The following C22orf23 variants were observed in gnomAD, a reference collection of about 807,000 sequenced individuals.
C22orf23 encodes the protein UPF0193 protein EVG1.
Under a neutral mutation model 29.7 loss-of-function variants are expected in C22orf23, and 30 were observed. The observed-to-expected ratio is 1.01, with a 90% confidence interval of 0.76 to 1.37. The LOEUF (loss-of-function observed/expected upper bound fraction) is 1.37, where lower values mean the gene tolerates loss of function less well. Ranked by LOEUF, C22orf23 falls within the 40% of genes most tolerant of loss-of-function variation. The probability of loss-of-function intolerance (pLI) is 0.00; values close to 1 mark genes in which losing one functional copy is unlikely to be tolerated. For synonymous variants in C22orf23, 90 were observed against 96.1 expected, an observed-to-expected ratio of 0.94 and a Z score of 0.37; for missense variants, 237 against 273.1, an observed-to-expected ratio of 0.87 and a Z score of 0.93.
intron 4 of C22orf23, 81 bp from the exon 5 acceptor site, chr22:37,945,254 T>G: frequency 2.2e-5 from 32 of 1,481,498 alleles, no homozygotes; most frequent in East Asian, 4.7e-5. Context: ...GTGCACGTGC[T>G]TGCTGCAGGG....
At chr22:37,945,494 C>CTTTTT (rs369277812) in intron 4 of C22orf23, among the ~76,000 whole-genome samples, 1 of 129,104 alleles carries the variant, frequency 7.7e-6, no homozygotes, top group African/African-American at 2.8e-5. Flanking sequence ...TTTTTTTCTT[C>CTTTTT]TTTTTTTTTT....
In C22orf23 at chr22:37,947,528, T is replaced by G. The variant is rs1400204822; in HGVS notation, c.167-65A>C. 36 of 843,208 alleles carry G rather than the reference T, an allele frequency of 4.3e-5. 1 individual carries two copies. In the Middle Eastern group the frequency reaches 1.0e-3, roughly 24 times the overall value. 52.2% of individuals were successfully genotyped at this position (843,208 alleles called of 1,614,324 possible). ...TTTTTTTTTTTTTTTTTTTTTTTTT[T>G]GAGTCTGAGTCTTGCTCTGTCACTC... On this transcript the variant is annotated intron_variant, in intron 3 of 6. Coordinates refer to ENST00000403305, the MANE Select transcript of C22orf23 (RefSeq NM_032561.5).
chr22:37,952,207 G>T (rs1028405012), intron 2 of C22orf23, among the ~76,000 whole-genome samples: 2 of 152,134 alleles, frequency 1.3e-5, no homozygotes, highest in African/African-American at 4.8e-5. Flanking sequence ...AAGTTGTTGA[G>T]TAAAAGAACA....
chr22:37,949,606 G>A lies in C22orf23; in HGVS notation c.166+1854C>T, dbSNP rs144189941. On this transcript the variant is annotated intron_variant, in intron 3 of 6. Coordinates refer to ENST00000403305, the MANE Select transcript of C22orf23 (RefSeq NM_032561.5). Reference sequence around the variant, plus strand: ...CCCAAGTAGCTGGGACTACAGGCCCGGGTCACCACACCTGGCTAATTTTTG... The same window carrying A: ...CCCAAGTAGCTGGGACTACAGGCCCAGGTCACCACACCTGGCTAATTTTTG... 2.8e-3 allele frequency among the ~76,000 whole-genome samples: 430 copies of A among 151,076 alleles called. 2 individuals are homozygous for A. Among genetic ancestry groups the A allele is most frequent in the African/African-American group, 9.8e-3 (405 of 41,152 alleles).
intron 3 of C22orf23, 95 bp downstream of exon 3, chr22:37,951,365 T>C: frequency 8.7e-7 from 1 of 1,150,376 alleles, no homozygotes; most frequent in Admixed American, 2.1e-5. Context: ...CTTTGTTTTT[T>C]TTATATGAGG....
Position 37,953,201 on chromosome 22 carries a change from C to T in C22orf23, c.-9-43G>A, listed in dbSNP as rs369372941. On this transcript the variant is annotated intron_variant, in intron 1 of 6. Coordinates refer to ENST00000403305, the MANE Select transcript of C22orf23 (RefSeq NM_032561.5). Reference sequence around the variant, plus strand: ...CAATGACACACCCCCTGTCTCCTGTCCCTAATCTCTGTTCCCCGACGCCCA... The same window carrying T: ...CAATGACACACCCCCTGTCTCCTGTTCCTAATCTCTGTTCCCCGACGCCCA... 24 of 1,379,084 alleles carry T rather than the reference C, an allele frequency of 1.7e-5. No homozygotes were observed. In the East Asian group the frequency reaches 3.2e-4, roughly 19 times the overall value. 85.4% of individuals were successfully genotyped at this position (1,379,084 alleles called of 1,614,324 possible). A position where few individuals can be genotyped will look rare whatever the true frequency, so the allele number is the denominator to read the frequency against.
chr22:37,944,368 C>T lies in C22orf23; in HGVS notation c.582+49G>A, dbSNP rs374961136. The T allele has an allele frequency of 6.2e-6, 10 of 1,613,362 alleles. No homozygotes were observed. The African/African-American group carries it at 1.2e-4, about 19-fold the overall frequency. ...AGCAGACCCTGTATTTCCATTCGCACTTGGCGCTGGGCCCTTCCCCTCCCC... is the reference window on the plus strand; with the variant it reads ...AGCAGACCCTGTATTTCCATTCGCATTTGGCGCTGGGCCCTTCCCCTCCCC... On this transcript the variant is annotated intron_variant, in intron 6 of 6. Coordinates refer to ENST00000403305, the MANE Select transcript of C22orf23 (RefSeq NM_032561.5).
At chr22:37,952,076 A>G (rs1229125609) in intron 2 of C22orf23, among the ~76,000 whole-genome samples, 2 of 151,914 alleles carry the variant, frequency 1.3e-5, no homozygotes, top group Non-Finnish European at 2.9e-5. Flanking sequence ...TGGCCTCCCA[A>G]AGTGCTGGGA....
intron 3 of C22orf23, chr22:37,951,242 T>TCTTGTGG (rs1176485881): frequency 1.0e-5 from 5 of 477,984 alleles, no homozygotes; most frequent in Non-Finnish European, 1.9e-5. Context: ...GGAGATGAGG[T>TCTTGTGG]CTTGTGGCTT....
intron 2 of C22orf23, chr22:37,952,803 C>T (rs2145718556): frequency 9.7e-6 from 4 of 411,318 alleles, no homozygotes; most frequent in Admixed American, 4.3e-5. Flanking sequence ...CGAGCCTCAC[C>T]GCCTCCTTTC....
At position 37,944,639 on chromosome 22, in the gene C22orf23, G is replaced by A. The variant is rs528399922; in HGVS notation, c.482-122C>T. On this transcript the variant is annotated intron_variant, in intron 5 of 6. Transcript: ENST00000403305. ...TTCTAGGCCGGGCGCGGTGGCTCAC[G>A]CCTATAATCCCAGCACTTTGGGAGG... 8.8e-4 allele frequency: 723 copies of A among 823,026 alleles called. 1 individual carries two copies. The highest frequency in any genetic ancestry group is 1.6e-3 in the Admixed American group (63 of 40,332). 51.0% of individuals were successfully genotyped at this position (823,026 alleles called of 1,614,324 possible).
chr22:37,949,097 G>A (rs1244279737), intron 3 of C22orf23, among the ~76,000 whole-genome samples: 1 of 152,054 alleles, frequency 6.6e-6, no homozygotes, highest in African/African-American at 2.4e-5. Context: ...AAAACTTTCT[G>A]TGTGGTGCAT....
Position 37,945,171 on chromosome 22 carries a change from C to G in C22orf23, c.352G>C (p.Asp118His), listed in dbSNP as rs1178118015. The change falls in exon 5 of 7, where the codon GAT becomes CAT. Residue 118 changes from aspartate (D) to histidine (H), a missense_variant and splice_region_variant. Asp to His is a moderately conservative substitution (Grantham distance 81, BLOSUM62 -1). Transcript: ENST00000403305. ...AGTCTTTGTTTCTCCTTCTCCAAAT[C>G]CCCTGTAGGGCCAAAAAGAAATGGC... ...REQFKPQATRDLEKEKQRLQN... is the reference protein window; with the variant it reads ...REQFKPQATRHLEKEKQRLQN... 1 of 1,611,022 alleles carries G rather than the reference C, an allele frequency of 6.2e-7. No individual in the cohort carries two copies. The highest frequency in any genetic ancestry group is 1.3e-5 in the African/African-American group (1 of 74,436).
chr22:37,953,321 G>GAT, intron 1 of C22orf23, 127 bp downstream of exon 1: 1 of 604,266 alleles, frequency 1.7e-6, no homozygotes, highest in Non-Finnish European at 2.9e-6. Context: ...CAGACACACA[G>GAT]ATACACACAC....
Position 37,944,411 on chromosome 22 carries a change from T to C in C22orf23, c.582+6A>G. Reference sequence around the variant, plus strand: ...CCCTCCCCACTTTCCTGGTTGTTTCTCCTACCTGGGAGATTTCAGCAAGGA... The same window carrying C: ...CCCTCCCCACTTTCCTGGTTGTTTCCCCTACCTGGGAGATTTCAGCAAGGA... On this transcript the variant is annotated splice_donor_region_variant and intron_variant, in intron 6 of 6. Coordinates refer to ENST00000403305, the MANE Select transcript of C22orf23 (RefSeq NM_032561.5). 2 of 1,614,060 alleles carry C rather than the reference T, an allele frequency of 1.2e-6. No individual in the cohort carries two copies. The highest frequency in any genetic ancestry group is 1.7e-6 in the Non-Finnish European group (2 of 1,179,946).
At position 37,943,429 on chromosome 22, in the gene C22orf23, G is replaced by A. The variant is rs1227403018; in HGVS notation, c.*746C>T. ...CATGGGTATAGTGGAAAGACATAAA[G>A]CTAAAGCCAACTTTTAATCCTGAAT... On this transcript the variant is annotated 3_prime_UTR_variant, in exon 7 of 7. Coordinates refer to ENST00000403305, the MANE Select transcript of C22orf23 (RefSeq NM_032561.5). The A allele has an allele frequency of 6.6e-6, 1 of 152,346 alleles. No homozygotes were observed. Among genetic ancestry groups the A allele is most frequent in the Non-Finnish European group, 1.5e-5 (1 of 68,154 alleles). The allele number at this position is 152,346 out of a possible 1,614,324, so 9.4% of individuals were successfully genotyped here.
chr22:37,950,407 C>T (rs567545340), intron 3 of C22orf23, among the ~76,000 whole-genome samples: 13 of 152,006 alleles, frequency 8.6e-5, no homozygotes, highest in African/African-American at 3.1e-4. Flanking sequence ...CTCCCACACC[C>T]GGCCTGACCT....
intron 3 of C22orf23, chr22:37,951,211 C>CAAA: frequency 6.5e-6 from 2 of 307,232 alleles, no homozygotes; most frequent in Non-Finnish European, 1.2e-5. Flanking sequence ...GACTCTGTCT[C>CAAA]AAAAAAAAAA....
chr22:37,952,834 T>G, intron 2 of C22orf23: 2 of 475,396 alleles, frequency 4.2e-6, no homozygotes, highest in South Asian at 2.5e-5. Context: ...CGGCCTTAGA[T>G]TCTCATAGGA....
Sources: allele counts gnomAD v4.1 joint callset (sites outside exome capture counted in the v4.1 genomes callset), GRCh38; gene constraint gnomAD v4.1.1; transcripts MANE v1.5; gene names NCBI Gene and HGNC (gene_info 2026-07-23, HGNC 2026-07-21).